Variants in ZNF208 observed in about 807,000 individuals in gnomAD.
ZNF208 encodes the protein zinc finger protein 208.
ZNF208 carries 10 observed loss-of-function variants against 12.1 expected under a neutral mutation model. The observed-to-expected ratio is 0.83, with a 90% CI of 0.51 to 1.40. ZNF208 has a LOEUF of 1.40. Among genes scored for constraint, ZNF208 ranks in the 40% most tolerant of loss-of-function variants. The probability of loss-of-function intolerance (pLI) is 0.00; values close to 1 mark genes in which losing one functional copy is unlikely to be tolerated. For synonymous variants in ZNF208, 497 were observed against 488.4 expected, an observed-to-expected ratio of 1.02 and a Z score of -0.23; for missense variants, 1,652 against 1,485.0, an observed-to-expected ratio of 1.11 and a Z score of -1.85.
At chr19:22,004,813 A>G (rs1242308894) in intron 1 of ZNF208, among the ~76,000 whole-genome samples, 1 of 152,180 alleles carries the variant, frequency 6.6e-6, no homozygotes, top group Admixed American at 6.5e-5. Flanking sequence ...TTTTGGTGCT[A>G]TGATTAGTAC....
intron 4 of ZNF208, among the ~76,000 whole-genome samples, chr19:21,952,306 A>G (rs894961811): frequency 6.6e-6 from 1 of 152,230 alleles, no homozygotes; most frequent in Non-Finnish European, 1.5e-5. Flanking sequence ...TGGTTCACCC[A>G]GCATGGCATT....
Position 21,974,604 on chromosome 19 carries a change from C to A in ZNF208, c.430G>T (p.Val144Leu). Residue 144 changes from valine (V) to leucine (L), a missense_variant, in exon 4 of 4, where the codon GTA becomes TTA. Transcript: ENST00000397126. ...NQSLTTTQSK[V>L]FQRGKYANVF... Reference sequence around the variant, plus strand: ...TTTGCATATTTGCCACGTTGAAATACTTTGCTCTGTGTAGTTGTCAAACTC... The same window carrying A: ...TTTGCATATTTGCCACGTTGAAATAATTTGCTCTGTGTAGTTGTCAAACTC... 7 of 1,613,656 alleles carry A rather than the reference C, an allele frequency of 4.3e-6. No individual in the cohort carries two copies. The highest frequency in any genetic ancestry group is 5.9e-6 in the Non-Finnish European group (7 of 1,179,714).
intron 1 of ZNF208, among the ~76,000 whole-genome samples, chr19:21,995,615 C>T (rs2145575211): frequency 6.6e-6 from 1 of 152,286 alleles, no homozygotes; most frequent in East Asian, 1.9e-4. Context: ...AAAAATGGAA[C>T]TACTTTGGCT....
intron 3 of ZNF208, among the ~76,000 whole-genome samples, chr19:21,979,307 A>C (rs746496691): frequency 2.6e-5 from 4 of 152,194 alleles, no homozygotes; most frequent in Non-Finnish European, 5.9e-5. Context: ...TGAAGAAAAA[A>C]TGTTGACGGC....
At chr19:21,943,575 A>G (rs1969775949) in intron 4 of ZNF208, among the ~76,000 whole-genome samples, 1 of 152,232 alleles carries the variant, frequency 6.6e-6, no homozygotes, top group South Asian at 2.1e-4. Flanking sequence ...CTGATCCTCA[A>G]CTAAACATAT....
At chr19:21,956,868 C>T (rs906180881) in intron 4 of ZNF208, among the ~76,000 whole-genome samples, 2 of 152,136 alleles carry the variant, frequency 1.3e-5, no homozygotes, top group Non-Finnish European at 2.9e-5. Flanking sequence ...TGAGATGAAC[C>T]CAGTACCTCA....
At chr19:21,999,476 G>T (rs918831733) in intron 1 of ZNF208, among the ~76,000 whole-genome samples, 10 of 152,138 alleles carry the variant, frequency 6.6e-5, no homozygotes, top group Non-Finnish European at 1.5e-4. Context: ...TCTGGCTTTT[G>T]CAGTGTAAGT....
chr19:21,982,352 C>A (rs1319682413), intron 3 of ZNF208, among the ~76,000 whole-genome samples: 3 of 82,064 alleles, frequency 3.7e-5, no homozygotes, highest in Non-Finnish European at 2.5e-5. Flanking sequence ...AGCGAGACTC[C>A]ATCTCAAAAA....
chr19:21,974,713 T>C lies in ZNF208; in HGVS notation c.321A>G (p.Gly107=), dbSNP rs1336853528. The C allele has an allele frequency of 6.2e-7, 1 of 1,613,552 alleles. No individual in the cohort carries two copies. Among genetic ancestry groups the C allele is most frequent in the Admixed American group, 1.7e-5 (1 of 59,974 alleles). ...CAATTTTTAAGTGTAAATTCTCATG[T>C]CCACATTTTTCATACCTTCTCAATA... The part of the protein sequence containing the change: ...KVILRRYEKC[G]HENLHLKIGY... Residue 107 remains glycine, a synonymous_variant, in exon 4 of 4, where the codon GGA becomes GGG. Transcript: ENST00000397126.
At chr19:21,961,782 A>G (rs893698290), downstream of ZNF208, among the ~76,000 whole-genome samples, 42 of 147,882 alleles carry the variant, frequency 2.8e-4, no homozygotes, top group Admixed American at 9.8e-4. Context: ...GCTCTCCTCA[A>G]GAAGAAAAAT....
Position 22,001,040 on chromosome 19 carries a change from G to A in ZNF208, c.3+9752C>T, listed in dbSNP as rs150442802. 7.7e-3 allele frequency among the ~76,000 whole-genome samples: 1,170 copies of A among 152,240 alleles called. 9 individuals carry two copies. Among genetic ancestry groups the A allele is most frequent in the African/African-American group, 0.026 (1,096 of 41,552 alleles). ...GCGGTGGCTCACACCTGTAATCCCAGCACTTTGGGAGGCTGAGGTGGGTGG... is the reference window on the plus strand; with the variant it reads ...GCGGTGGCTCACACCTGTAATCCCAACACTTTGGGAGGCTGAGGTGGGTGG... On this transcript the variant is annotated intron_variant, in intron 1 of 3. Coordinates refer to ENST00000397126, the MANE Select transcript of ZNF208 (RefSeq NM_007153.3).
intron 1 of ZNF208, among the ~76,000 whole-genome samples, chr19:22,002,315 T>C (rs1266918541): frequency 3.9e-5 from 6 of 152,138 alleles, no homozygotes; most frequent in African/African-American, 1.4e-4. Flanking sequence ...AACACTCCTA[T>C]ATTCAATATA....
chr19:21,971,988 G>C lies in ZNF208; in HGVS notation c.3046C>G (p.Leu1016Val). ...CGKAFNWSSN[L>V]MEHKKIHTGE... The stretch of plus-strand genomic sequence containing the variant: ...GTGTGAATTTTCTTATGTTCCATAA[G>C]GTTTGATGACCAGTTGAAAGCTTTG... The change falls in exon 4 of 4, where the codon CTT (leucine) becomes GTT (valine). Residue 1016 changes from leucine (L) to valine (V), a missense_variant. Transcript: ENST00000397126. 1.9e-6 allele frequency: 3 copies of C among 1,613,314 alleles called. No individual in the cohort carries two copies. The South Asian group carries it at 3.3e-5, about 18-fold the overall frequency.
At chr19:21,955,133 T>C (rs758482042) in intron 4 of ZNF208, among the ~76,000 whole-genome samples, 4 of 152,208 alleles carry the variant, frequency 2.6e-5, no homozygotes, top group Admixed American at 6.5e-5. Context: ...TGAAAACCCT[T>C]TTCTTTAAGA....
In ZNF208 at chr19:21,972,467, G is replaced by A; in HGVS notation, c.2567C>T (p.Thr856Ile). 2.5e-6 allele frequency: 4 copies of A among 1,613,132 alleles called. No homozygotes were observed. Among genetic ancestry groups the A allele is most frequent in the Non-Finnish European group, 3.4e-6 (4 of 1,179,880 alleles). Residue 856 changes from threonine to isoleucine, a missense_variant, in exon 4 of 4, where the codon ACT (threonine) becomes ATT (isoleucine). Physicochemically the swap from Thr to Ile is moderately conservative, Grantham distance 89. This residue lies in a region of ZNF208 where 1,239 missense variants were observed against 1,086.2 expected (regional missense o/e 1.14). Transcript: ENST00000397126. ...SILTKHKVIH[T>I]GEKPYKCEEC... The stretch of plus-strand genomic sequence containing the variant: ...TTCACATTTGTAGGGTTTCTCTCCA[G>A]TATGAATTACCTTATGTTTAGTAAG...
At chr19:21,994,656 C>CAA (rs372107580) in intron 1 of ZNF208, among the ~76,000 whole-genome samples, 1 of 148,720 alleles carries the variant, frequency 6.7e-6, no homozygotes, top group African/African-American at 2.5e-5. Flanking sequence ...ATAAGCAATT[C>CAA]AAAAAAAAAT....
chr19:21,970,429 C>T lies in ZNF208; in HGVS notation c.*762G>A, dbSNP rs1174930533. Among the ~76,000 whole-genome samples the T allele has an allele frequency of 2.6e-5, 4 of 152,110 alleles. No homozygotes were observed. The highest frequency in any genetic ancestry group is 5.9e-5 in the Non-Finnish European group (4 of 68,000). On this transcript the variant is annotated 3_prime_UTR_variant, in exon 4 of 4. Coordinates refer to ENST00000397126, the MANE Select transcript of ZNF208 (RefSeq NM_007153.3). ...TAGCTAAAAGGCTTGCCACATTCTT[C>T]AGATTTGTAGGGTTTCCCTCCTGTA...
At position 21,969,559 on chromosome 19, in the gene ZNF208, G is replaced by A. The variant is rs573742638; in HGVS notation, c.*1632C>T. On this transcript the variant is annotated 3_prime_UTR_variant, in exon 4 of 4. Coordinates refer to ENST00000397126, the MANE Select transcript of ZNF208 (RefSeq NM_007153.3). ...TGCAAAAACATATTTTAGTATAAAC[G>A]CATTTGTGTTTTATAATCTGTAGTT... Among the ~76,000 whole-genome samples, 15 of 151,854 alleles carry A rather than the reference G, an allele frequency of 9.9e-5. No individual in the cohort carries two copies. The East Asian group carries it at 2.5e-3, about 25-fold the overall frequency.
chr19:21,989,299 C>T (rs1000544289), intron 1 of ZNF208, among the ~76,000 whole-genome samples: 2 of 139,698 alleles, frequency 1.4e-5, no homozygotes, highest in African/African-American at 5.4e-5. Context: ...CATGTGTTCT[C>T]ATTGTTCAAT....
Sources: gnomAD v4.1 joint callset for allele counts (sites outside exome capture counted in the v4.1 genomes callset) on GRCh38, gnomAD v4.1.1 for gene constraint, gnomAD v4.1.1 regional missense constraint, MANE v1.5 for transcripts, NCBI Gene and HGNC (gene_info 2026-07-23, HGNC 2026-07-21) for gene names.